Variants in STOX2 observed in about 807,000 individuals in gnomAD.
STOX2 encodes the protein storkhead box 2.
A neutral mutation model predicts 60.9 loss-of-function variants in STOX2; 28 were observed. The ratio of observed to expected loss-of-function variants is 0.46; its 90% CI spans 0.34 to 0.63. The LOEUF is 0.63. Among genes scored for constraint, STOX2 ranks in the 30% least tolerant of loss-of-function variants. STOX2 has a pLI of 0.01. For missense variants in STOX2, 1,024 were observed against 1,187.7 expected, an observed-to-expected ratio of 0.86 and a Z score of 2.03; for synonymous variants, 472 against 463.9, an observed-to-expected ratio of 1.02 and a Z score of -0.22.
chr4:183,828,512 T>TA (rs1183814656), intron 1 of STOX2, among the ~76,000 whole-genome samples: 9 of 151,812 alleles, frequency 5.9e-5, no homozygotes, highest in Admixed American at 5.3e-4. Flanking sequence ...CCCCCCTTTA[T>TA]AAAAAAAATG....
rs1413905562 is a variant in STOX2 at position 184,001,505 on chromosome 4, C to T, written c.319+28C>T. ...AACGAGGCGGGAACGTAGCACTTTC[C>T]AGGTGGCGGTGTGCTGTGGTCGCTC... On this transcript the variant is annotated intron_variant, in intron 2 of 3. Transcript: ENST00000308497. The surrounding 1 kb of genome is among the most constrained non-coding windows in gnomAD (Gnocchi z 4.2). The T allele has an allele frequency of 1.2e-6, 2 of 1,611,436 alleles. No individual in the cohort carries two copies. The highest frequency in any genetic ancestry group is 1.7e-6 in the Non-Finnish European group (2 of 1,178,940).
At chr4:183,937,201 G>T (rs895286627) in intron 1 of STOX2, among the ~76,000 whole-genome samples, 1 of 152,166 alleles carries the variant, frequency 6.6e-6, no homozygotes, top group Non-Finnish European at 1.5e-5. Context: ...TTAGTAACAC[G>T]CAAGGAAAAT....
At chr4:184,003,345 C>G (rs1424214209) in intron 2 of STOX2, among the ~76,000 whole-genome samples, 2 of 152,224 alleles carry the variant, frequency 1.3e-5, no homozygotes, top group Admixed American at 6.5e-5. Flanking sequence ...ATGCTCCTCA[C>G]TGCCAAGCAG....
chr4:183,884,726 T>C (rs112890915), intron 1 of STOX2, among the ~76,000 whole-genome samples: 1,534 of 152,274 alleles, frequency 0.01, 28 homozygotes, highest in African/African-American at 0.035. Flanking sequence ...CTGCAGAATA[T>C]AGGGTACAAA....
At chr4:183,905,233 C>CGG (rs1302221408), upstream of STOX2, 3 of 152,304 alleles carry the variant, frequency 2.0e-5, no homozygotes, top group Non-Finnish European at 4.4e-5. Flanking sequence ...CGCCCAGGCC[C>CGG]GGGCGGCGCA....
intron 1 of STOX2, among the ~76,000 whole-genome samples, chr4:183,823,111 T>C (rs1333053758): frequency 6.6e-6 from 1 of 152,214 alleles, no homozygotes; most frequent in Non-Finnish European, 1.5e-5. Flanking sequence ...AAACTATCAC[T>C]TGGGCTGAGC....
chr4:183,926,917 C>T (rs929876193), intron 1 of STOX2, among the ~76,000 whole-genome samples: 12 of 152,088 alleles, frequency 7.9e-5, no homozygotes, highest in African/African-American at 2.7e-4. Flanking sequence ...CCACCGGGCC[C>T]GACCACAAAT....
At chr4:183,933,179 C>T (rs1294438584) in intron 1 of STOX2, among the ~76,000 whole-genome samples, 1 of 152,202 alleles carries the variant, frequency 6.6e-6, no homozygotes, top group Non-Finnish European at 1.5e-5. Flanking sequence ...AGCAGATTAT[C>T]TGGCTCACGT....
chr4:183,963,259 G>A (rs757957226), intron 1 of STOX2, among the ~76,000 whole-genome samples: 1 of 152,152 alleles, frequency 6.6e-6, no homozygotes, highest in South Asian at 2.1e-4. Flanking sequence ...GAAACATGTG[G>A]TCTCTATTCT....
intron 1 of STOX2, among the ~76,000 whole-genome samples, chr4:183,841,440 T>C (rs1232463394): frequency 6.6e-6 from 1 of 152,098 alleles, no homozygotes; most frequent in Non-Finnish European, 1.5e-5. Flanking sequence ...CTTATATTCC[T>C]GACCTCAAAA....
rs1182002685 is a variant in STOX2, at chr4:184,017,332, T to G, written c.*48T>G. ...CTGTCTCATTCGATACAGCAAAGTT[T>G]ACGACACTGGGACTGATGTTTACAT... On this transcript the variant is annotated 3_prime_UTR_variant, in exon 4 of 4. Transcript: ENST00000308497. The G allele has an allele frequency of 3.4e-6, 5 of 1,477,468 alleles. No homozygotes were observed. The highest frequency in any genetic ancestry group is 1.7e-4 in the Middle Eastern group (1 of 5,726). 91.5% of individuals were successfully genotyped at this position (1,477,468 alleles called of 1,614,324 possible).
chr4:184,013,823 CTGT>C (rs1382953694), intron 3 of STOX2, among the ~76,000 whole-genome samples: 1 of 152,174 alleles, frequency 6.6e-6, no homozygotes, highest in Non-Finnish European at 1.5e-5. Context: ...GAGTCTCACT[CTGT>C]TGCCCAGGCT....
chr4:183,800,642 T>G (rs1220873336), intron 1 of STOX2, among the ~76,000 whole-genome samples: 1 of 152,232 alleles, frequency 6.6e-6, no homozygotes, highest in East Asian at 1.9e-4. Context: ...GAACTTGAAT[T>G]AAGCTCATCA....
At chr4:183,925,092 G>T (rs1159471096) in intron 1 of STOX2, among the ~76,000 whole-genome samples, 1 of 152,180 alleles carries the variant, frequency 6.6e-6, no homozygotes, top group Non-Finnish European at 1.5e-5. Flanking sequence ...TGAGGAAGTT[G>T]AGGTTTCTTT....
intron 1 of STOX2, among the ~76,000 whole-genome samples, chr4:183,985,011 G>A (rs1164515901): frequency 6.6e-6 from 1 of 152,162 alleles, no homozygotes. Context: ...ACTCTCGGTA[G>A]GGCAGCAAGA....
chr4:184,005,102 T>C (rs1733768871), intron 2 of STOX2, among the ~76,000 whole-genome samples: 1 of 152,264 alleles, frequency 6.6e-6, no homozygotes, highest in Non-Finnish European at 1.5e-5. Context: ...TTGAAAGTGC[T>C]TAACATACAG....
rs986874847 is a variant in STOX2 at position 183,906,905 on chromosome 4, C to A, written c.115C>A (p.Arg39Ser). 6.5e-7 allele frequency: 1 copy of A among 1,550,212 alleles called. No homozygotes were observed. The highest frequency in any genetic ancestry group is 1.4e-5 in the African/African-American group (1 of 73,140). Reference sequence around the variant, plus strand: ...CGAGAAGGACTACCGCCTGCACAAGCGTTTCCCCGCGGCCTTCGCGCCCCA... The same window carrying A: ...CGAGAAGGACTACCGCCTGCACAAGAGTTTCCCCGCGGCCTTCGCGCCCCA... ...RSEKDYRLHK[R>S]FPAAFAPQAS... The change falls in exon 1 of 4, where the codon CGT becomes AGT. Residue 39 changes from arginine (R) to serine (S), a missense_variant. Around this residue, in one of 3 missense-constraint regions of STOX2, gnomAD observed 98 missense variants for 110.2 expected, o/e 0.89. Transcript: ENST00000308497.
At chr4:183,892,514 T>A (rs976310821) in intron 1 of STOX2, among the ~76,000 whole-genome samples, 5 of 152,146 alleles carry the variant, frequency 3.3e-5, no homozygotes, top group African/African-American at 4.8e-5. Context: ...TCTCCTGACC[T>A]TGTCATCCGC....
chr4:184,007,482 C>T (rs1733924029), intron 2 of STOX2, among the ~76,000 whole-genome samples: 1 of 152,182 alleles, frequency 6.6e-6, no homozygotes, highest in Admixed American at 6.5e-5. Context: ...AGGCACTGCT[C>T]CACACACGAA....
Sources: gnomAD v4.1 joint callset for allele counts (sites outside exome capture counted in the v4.1 genomes callset) on GRCh38, gnomAD v4.1.1 for gene constraint, gnomAD v4.1.1 regional missense constraint, Gnocchi (gnomAD v3.1) non-coding constraint, MANE v1.5 for transcripts, NCBI Gene and HGNC (gene_info 2026-07-23, HGNC 2026-07-21) for gene names.